Variants in COL18A1 observed in about 807,000 individuals in gnomAD.
The protein encoded by COL18A1 is collagen alpha-1(XVIII) chain.
Under a neutral mutation model 168.0 loss-of-function variants are expected in COL18A1, and 133 were observed. The observed-to-expected ratio is 0.79, with a 90% CI of 0.69 to 0.91. COL18A1 has a LOEUF of 0.91. Ranked by LOEUF, COL18A1 falls within the 40% of genes least tolerant of loss-of-function variation. The pLI, the probability that COL18A1 is intolerant of heterozygous loss-of-function variation, is 0.00. For synonymous variants in COL18A1, 949 were observed against 809.0 expected, an observed-to-expected ratio of 1.17 and a Z score of -2.94; for missense variants, 2,126 against 1,925.4, an observed-to-expected ratio of 1.10 and a Z score of -1.95.
intron 2 of COL18A1, among the ~76,000 whole-genome samples, chr21:45,437,978 A>T (rs1346043281): frequency 5.7e-5 from 4 of 70,430 alleles, no homozygotes; most frequent in Admixed American, 1.4e-4. Context: ...ACACACACTC[A>T]CACACTCAGA....
Position 45,493,951 on chromosome 21 carries a change from C to G in COL18A1, c.2352+376C>G, listed in dbSNP as rs957368995. 1.3e-5 allele frequency: 4 copies of G among 306,752 alleles called. No homozygotes were observed. In the East Asian group the frequency reaches 3.0e-4, roughly 23 times the overall value. 19.0% of individuals were successfully genotyped at this position (306,752 alleles called of 1,614,324 possible). On this transcript the variant is annotated intron_variant, in intron 26 of 41. Transcript: ENST00000651438. ...GCCCCTCCAGCCTCTTCCTGGGGGC[C>G]CTGATGCTGTGGGCAGGGCCCGGAG... is the stretch of plus-strand genomic sequence containing the variant.
intron 17 of COL18A1, among the ~76,000 whole-genome samples, chr21:45,488,183 G>A (rs945427609): frequency 1.3e-5 from 2 of 152,258 alleles, no homozygotes; most frequent in African/African-American, 4.8e-5. Context: ...TTGAGAGCAC[G>A]GGTGGCTGGG....
chr21:45,466,510 C>T (rs75352426), intron 2 of COL18A1, among the ~76,000 whole-genome samples: 4,448 of 152,236 alleles, frequency 0.029, 233 homozygotes, highest in African/African-American at 0.1. Context: ...GCTGAGCTCT[C>T]GAAATGGGGT....
intron 2 of COL18A1, among the ~76,000 whole-genome samples, chr21:45,415,672 C>T (rs2033423423): frequency 1.3e-5 from 2 of 152,160 alleles, no homozygotes; most frequent in Admixed American, 1.3e-4. Context: ...TGGCTGGGGG[C>T]CTGGGGTTCA....
Position 45,458,319 on chromosome 21 carries a change from G to A in COL18A1, c.107-9923G>A, listed in dbSNP as rs981800332. On this transcript the variant is annotated intron_variant, in intron 2 of 41. Transcript: ENST00000651438. ...TCTCCCAGGCAGGGACCGTGCCCACGGCTGTTGGCATCTCGTAGGGCTGGA... is the reference window on the plus strand; with the variant it reads ...TCTCCCAGGCAGGGACCGTGCCCACAGCTGTTGGCATCTCGTAGGGCTGGA... 3.1e-4 allele frequency among the ~76,000 whole-genome samples: 47 copies of A among 151,288 alleles called. 1 individual carries two copies. Among genetic ancestry groups the A allele is most frequent in the Non-Finnish European group, 2.4e-4 (16 of 67,732 alleles).
rs117873808 is a variant in COL18A1, at chr21:45,426,927, T to C, written c.106+21454T>C. Reference sequence around the variant, plus strand: ...AGGGGGCTGAGCAGAGGGGAGGGGATGCGGGGGTGCCGTGCACACAGGTGC... The same window carrying C: ...AGGGGGCTGAGCAGAGGGGAGGGGACGCGGGGGTGCCGTGCACACAGGTGC... On this transcript the variant is annotated intron_variant, in intron 2 of 41. Coordinates refer to ENST00000651438, the MANE Select transcript of COL18A1 (RefSeq NM_001379500.1). Among the ~76,000 whole-genome samples, 480 of 152,234 alleles carry C rather than the reference T, an allele frequency of 3.2e-3. 9 individuals are homozygous for C. In the East Asian group the frequency reaches 0.041, roughly 13 times the overall value.
Position 45,497,647 on chromosome 21 carries a change from C to CT in COL18A1, c.2669_2670insT (p.Gly892ArgfsTer9), listed in dbSNP as rs2146015551. Reference sequence around the variant, plus strand: ...AAGGGCGCCAAAGGAGAAGTGGGCCCCCCCGGACCACCAGGTGAGCAACTC... The same window carrying CT: ...AAGGGCGCCAAAGGAGAAGTGGGCCCTCCCCGGACCACCAGGTGAGCAACTC... On this transcript the variant is annotated frameshift_variant, in exon 32 of 42. Coordinates refer to ENST00000651438, the MANE Select transcript of COL18A1 (RefSeq NM_001379500.1). LOFTEE classifies it high-confidence loss of function. 1.3e-6 allele frequency: 2 copies of CT among 1,568,204 alleles called. No individual in the cohort carries two copies. The highest frequency in any genetic ancestry group is 1.2e-5 in the South Asian group (1 of 85,530).
intron 2 of COL18A1, chr21:45,421,419 G>A (rs1486898782): frequency 1.9e-6 from 1 of 534,424 alleles, no homozygotes; most frequent in Non-Finnish European, 3.8e-6. Context: ...GTCCGCCCGT[G>A]TGGAAGTGTT....
rs542277499 is a variant in COL18A1 at position 45,498,280 on chromosome 21, G to A, written c.2683+619G>A. 26 of 707,708 alleles carry A rather than the reference G, an allele frequency of 3.7e-5. No homozygotes were observed. The highest frequency in any genetic ancestry group is 2.1e-4 in the East Asian group (8 of 37,232). The allele number at this position is 707,708 out of a possible 1,614,324, so 43.8% of individuals were successfully genotyped here. Reference sequence around the variant, plus strand: ...CCAGAGAGCCAGGCTAGCCTCGGGCGCCTTTCACCACCAGGGTCCCCTCTC... The same window carrying A: ...CCAGAGAGCCAGGCTAGCCTCGGGCACCTTTCACCACCAGGGTCCCCTCTC... On this transcript the variant is annotated intron_variant, in intron 32 of 41. Coordinates refer to ENST00000651438, the MANE Select transcript of COL18A1 (RefSeq NM_001379500.1). The surrounding 1 kb of genome is among the most constrained non-coding windows in gnomAD (Gnocchi z 4.5).
chr21:45,509,209 C>T, intron 38 of COL18A1, 147 bp from the exon 39 acceptor site: 1 of 1,119,114 alleles, frequency 8.9e-7, no homozygotes, highest in East Asian at 2.6e-5. Flanking sequence ...GCCTACACCC[C>T]CAGGGCAGCC....
intron 2 of COL18A1, chr21:45,456,331 G>T (rs2034812482): frequency 1.9e-6 from 3 of 1,550,612 alleles, no homozygotes; most frequent in African/African-American, 1.4e-5. Context: ...TGCACCCCCT[G>T]GTGATGGGCT....
At chr21:45,475,180 G>A (rs1171227408) in intron 4 of COL18A1, among the ~76,000 whole-genome samples, 1 of 152,230 alleles carries the variant, frequency 6.6e-6, no homozygotes, top group Non-Finnish European at 1.5e-5. Flanking sequence ...GGCCAGAAGA[G>A]AGGAGCGCGT....
rs202106628 is a variant in COL18A1 at position 45,504,537 on chromosome 21, G to A, written c.2849G>A (p.Arg950His). The A allele has an allele frequency of 1.2e-3, 1,845 of 1,570,908 alleles. 3 individuals carry two copies. The highest frequency in any genetic ancestry group is 1.4e-3 in the Non-Finnish European group (1,676 of 1,159,076). Reference sequence around the variant, plus strand: ...GGCCCCCCAGGCCCCCCAGGCCCACGTGGCTACCCTGGGATTCCAGTAAGT... The same window carrying A: ...GGCCCCCCAGGCCCCCCAGGCCCACATGGCTACCCTGGGATTCCAGTAAGT... ...PPGPPGPPGPRGYPGIPGPKG... is the reference protein window; with the variant it reads ...PPGPPGPPGPHGYPGIPGPKG... The change falls in exon 34 of 42, where the codon CGT (arginine) becomes CAT (histidine). Residue 950 changes from arginine to histidine, a missense_variant. Physicochemically the swap from Arg to His is conservative, Grantham distance 29 (BLOSUM62 0). Coordinates refer to ENST00000651438, the MANE Select transcript of COL18A1 (RefSeq NM_001379500.1).
At chr21:45,492,062 T>TG in intron 22 of COL18A1, among the ~76,000 whole-genome samples, 1 of 152,056 alleles carries the variant, frequency 6.6e-6, no homozygotes, top group South Asian at 2.1e-4. Flanking sequence ...ACCTAGGAGG[T>TG]GGGACTCTAA....
At chr21:45,483,998 A>ACACACCTCTCCAGCATATGTACACATG (rs2035990101) in intron 15 of COL18A1, among the ~76,000 whole-genome samples, 7 of 94,060 alleles carry the variant, frequency 7.4e-5, no homozygotes, top group Admixed American at 3.3e-4. Context: ...GTACACATGC[A>ACACACCTCTCCAGCATATGTACACATG]CACACACCTC....
chr21:45,457,941 T>C lies in COL18A1; in HGVS notation c.107-10301T>C, dbSNP rs78071668. On this transcript the variant is annotated intron_variant, in intron 2 of 41. Transcript: ENST00000651438. The surrounding 1 kb of genome is among the most constrained non-coding windows in gnomAD (Gnocchi z 4.6). ...GGATGACGAGCTTGGTGATTCCCCT[T>C]GAGTTTCAGGCCAGTGACCGTTTCT... 0.028 allele frequency among the ~76,000 whole-genome samples: 4,282 copies of C among 152,074 alleles called. 215 individuals are homozygous for C. Among genetic ancestry groups the C allele is most frequent in the African/African-American group, 0.097 (4,037 of 41,476 alleles).
At chr21:45,485,075 C>T (rs372813072) in intron 15 of COL18A1, among the ~76,000 whole-genome samples, 6 of 151,084 alleles carry the variant, frequency 4.0e-5, no homozygotes, top group Middle Eastern at 3.5e-3. Flanking sequence ...CTCTGCCTCC[C>T]GGTTTCAAGT....
chr21:45,486,786 A>G (rs2036128701), intron 15 of COL18A1, 75 bp from the exon 16 acceptor site: 9 of 1,485,058 alleles, frequency 6.1e-6, no homozygotes, highest in African/African-American at 4.2e-5. Flanking sequence ...ATCATAAGAA[A>G]ACGTGTCTAC....
At chr21:45,482,699 C>A (rs1259713243) in intron 14 of COL18A1, 96 bp from the exon 15 acceptor site, 1 of 1,585,826 alleles carries the variant, frequency 6.3e-7, no homozygotes, top group Admixed American at 1.7e-5. Flanking sequence ...AGCAGGGACC[C>A]GGGTCGGGGC....
Sources: allele counts gnomAD v4.1 joint callset (sites outside exome capture counted in the v4.1 genomes callset), GRCh38; gene constraint gnomAD v4.1.1; non-coding constraint Gnocchi (gnomAD v3.1); transcripts MANE v1.5; gene names NCBI Gene and HGNC (gene_info 2026-07-23, HGNC 2026-07-21).